Variants in REDIC1 observed in about 807,000 individuals in gnomAD.
REDIC1 encodes HEI10 Interacting Protein 1.
chr12:39,883,702 A>G, the REDIC1 span, among the ~76,000 whole-genome samples: 1 of 152,212 alleles, frequency 6.6e-6, no homozygotes, highest in Admixed American at 6.5e-5. Flanking sequence ...AAAACTTTGC[A>G]AGAACTTTCA....
At chr12:39,896,413 T>C in the REDIC1 span, among the ~76,000 whole-genome samples, 3 of 136,072 alleles carry the variant, frequency 2.2e-5, no homozygotes, top group African/African-American at 3.0e-5. Context: ...TACATATATG[T>C]ATGTATATGT....
At chr12:39,694,710 C>T in the REDIC1 span, among the ~76,000 whole-genome samples, 12 of 151,716 alleles carry the variant, frequency 7.9e-5, no homozygotes, top group African/African-American at 2.9e-4. Context: ...TAGTGCTGAA[C>T]TAGGCCCAGA....
chr12:39,702,769 G>T, the REDIC1 span, among the ~76,000 whole-genome samples: 1 of 152,082 alleles, frequency 6.6e-6, no homozygotes, highest in Non-Finnish European at 1.5e-5. Context: ...GGGATGCAAG[G>T]CTGGTTCAAT....
the REDIC1 span, among the ~76,000 whole-genome samples, chr12:39,870,919 T>G: frequency 6.6e-6 from 1 of 152,204 alleles, no homozygotes; most frequent in Non-Finnish European, 1.5e-5. Context: ...AACAGTTCTA[T>G]TAGATCAATG....
the REDIC1 span, among the ~76,000 whole-genome samples, chr12:39,823,727 G>T: frequency 1.3e-5 from 2 of 152,280 alleles, no homozygotes; most frequent in Non-Finnish European, 2.9e-5. Flanking sequence ...GGGACTACAG[G>T]AATGTGCCAC....
chr12:39,703,153 TG>T, the REDIC1 span, among the ~76,000 whole-genome samples: 2 of 152,202 alleles, frequency 1.3e-5, no homozygotes, highest in Admixed American at 6.5e-5. Context: ...TGTCCCTGTT[TG>T]CAGATGACAT....
the REDIC1 span, among the ~76,000 whole-genome samples, chr12:39,630,650 T>C: frequency 1.2e-4 from 18 of 152,266 alleles, no homozygotes; most frequent in African/African-American, 4.1e-4. Context: ...ATAAATAATG[T>C]GAACCATAGT....
the REDIC1 span, among the ~76,000 whole-genome samples, chr12:39,905,738 T>C: frequency 1.3e-5 from 2 of 151,718 alleles, no homozygotes; most frequent in South Asian, 4.2e-4. Flanking sequence ...AGCAATCATG[T>C]ATATCTTTTT....
chr12:39,781,490 AATAC>A, the REDIC1 span, among the ~76,000 whole-genome samples: 1 of 152,242 alleles, frequency 6.6e-6, no homozygotes, highest in South Asian at 2.1e-4. Context: ...GTTGGGGCTC[AATAC>A]ATATTTGTTT....
At chr12:39,690,594 T>C in the REDIC1 span, among the ~76,000 whole-genome samples, 3 of 151,930 alleles carry the variant, frequency 2.0e-5, no homozygotes, top group African/African-American at 7.3e-5. Context: ...TGAATTCTTT[T>C]CAAGATTCAA....
chr12:39,698,825 G>C, the REDIC1 span, among the ~76,000 whole-genome samples: 1 of 152,036 alleles, frequency 6.6e-6, no homozygotes, highest in Non-Finnish European at 1.5e-5. Flanking sequence ...AAAACCTGTG[G>C]GATACAGCAA....
At chr12:39,828,426 G>C in the REDIC1 span, among the ~76,000 whole-genome samples, 38 of 151,950 alleles carry the variant, frequency 2.5e-4, 1 homozygote, top group Non-Finnish European at 4.7e-4. Context: ...TAAAATGTAA[G>C]AGTGAGTTGT....
At chr12:39,738,750 A>G in the REDIC1 span, among the ~76,000 whole-genome samples, 1 of 152,176 alleles carries the variant, frequency 6.6e-6, no homozygotes, top group African/African-American at 2.4e-5. Flanking sequence ...TTCAATGGTT[A>G]TTATTTCCTT....
At chr12:39,873,553 G>A in the REDIC1 span, among the ~76,000 whole-genome samples, 3 of 152,196 alleles carry the variant, frequency 2.0e-5, no homozygotes, top group Non-Finnish European at 4.4e-5. Context: ...TTTGACATGT[G>A]TCATGCTACT....
At chr12:39,702,025 A>G in the REDIC1 span, among the ~76,000 whole-genome samples, 17 of 152,266 alleles carry the variant, frequency 1.1e-4, no homozygotes, top group African/African-American at 4.1e-4. Flanking sequence ...TCACAATTAA[A>G]AGAACTAGAA....
At chr12:39,647,770 G>T in the REDIC1 span, 4 of 1,419,172 alleles carry the variant, frequency 2.8e-6, no homozygotes, top group South Asian at 1.6e-5. Flanking sequence ...TAATGTAAAT[G>T]ATTTTATCTT....
the REDIC1 span, chr12:39,643,670 A>G: frequency 5.0e-6 from 4 of 800,936 alleles, no homozygotes; most frequent in Non-Finnish European, 5.7e-6. Flanking sequence ...GTCACAAAAT[A>G]TAAAAGTATC....
the REDIC1 span, among the ~76,000 whole-genome samples, chr12:39,716,380 G>A: frequency 1.3e-5 from 2 of 152,118 alleles, no homozygotes; most frequent in African/African-American, 2.4e-5. Flanking sequence ...ATTGGCAAAT[G>A]TCTGATGCCT....
chr12:39,870,164 A>G, the REDIC1 span, among the ~76,000 whole-genome samples: 1 of 152,202 alleles, frequency 6.6e-6, no homozygotes, highest in Non-Finnish European at 1.5e-5. Flanking sequence ...TCAAAGGCCA[A>G]ATCCCAAATT....
Sources: gnomAD v4.1 joint callset for allele counts (sites outside exome capture counted in the v4.1 genomes callset) on GRCh38, gnomAD v4.1.1 for gene constraint, MANE v1.5 for transcripts, NCBI Gene and HGNC (gene_info 2026-07-23, HGNC 2026-07-21) for gene names.